Variants in GARRE1 observed in about 807,000 individuals in gnomAD.
GARRE1 encodes granule associated Rac and RHOG effector 1, also known as granule associated Rac and RHOG effector protein 1.
GARRE1 carries 49 observed loss-of-function variants against 103.2 expected under a neutral mutation model. The observed-to-expected ratio is 0.47, with a 90% CI of 0.38 to 0.60. The LOEUF (loss-of-function observed/expected upper bound fraction) is 0.60, where lower values mean the gene tolerates loss of function less well. GARRE1 is among the 20% of genes least tolerant of loss of function. The probability of loss-of-function intolerance (pLI) is 0.00; values close to 1 mark genes in which losing one functional copy is unlikely to be tolerated. For missense variants in GARRE1, 1,199 were observed against 1,370.5 expected (o/e 0.87, Z 1.98); for synonymous variants, 505 against 532.8 (o/e 0.95, Z 0.72).
chr19:34,332,214 TA>T (rs2074141140), intron 7 of GARRE1, among the ~76,000 whole-genome samples: 1 of 152,088 alleles, frequency 6.6e-6, no homozygotes, highest in South Asian at 2.1e-4. Flanking sequence ...TTGTTCACAG[TA>T]ATGAGTCACA....
intron 6 of GARRE1, among the ~76,000 whole-genome samples, chr19:34,329,052 A>T (rs958922456): frequency 6.6e-6 from 1 of 152,240 alleles, no homozygotes; most frequent in East Asian, 1.9e-4. Context: ...TGCTGCAGTG[A>T]TAACGATTAT....
At chr19:34,312,592 A>C (rs2074042125) in intron 2 of GARRE1, among the ~76,000 whole-genome samples, 1 of 152,170 alleles carries the variant, frequency 6.6e-6, no homozygotes, top group Admixed American at 6.5e-5. Flanking sequence ...AATGTCTTTA[A>C]GGCTCATTCA....
At chr19:34,288,925 A>G (rs1220428803) in intron 1 of GARRE1, among the ~76,000 whole-genome samples, 2 of 151,952 alleles carry the variant, frequency 1.3e-5, no homozygotes, top group East Asian at 3.9e-4. Flanking sequence ...TGAGGCCAGG[A>G]GTTCGAGACC....
intron 1 of GARRE1, among the ~76,000 whole-genome samples, chr19:34,270,877 G>A (rs1029211058): frequency 3.4e-4 from 51 of 152,044 alleles, no homozygotes; most frequent in African/African-American, 1.2e-3. Flanking sequence ...TTCTTTGTAG[G>A]GGCTGTCTTG....
intron 10 of GARRE1, among the ~76,000 whole-genome samples, chr19:34,344,323 G>A (rs2074200241): frequency 6.6e-6 from 1 of 152,194 alleles, no homozygotes; most frequent in African/African-American, 2.4e-5. Flanking sequence ...GGGCGCTGTG[G>A]CTCACGCCTG....
Position 34,300,465 on chromosome 19 carries a change from C to G in GARRE1, c.-9C>G. On this transcript the variant is annotated 5_prime_UTR_variant, in exon 2 of 14. Transcript: ENST00000299505. ...CACTTACGGTTGCTGGGACAATTCCCCCTCCCGCATGTATTGCTGCAGTGC... is the reference window on the plus strand; with the variant it reads ...CACTTACGGTTGCTGGGACAATTCCGCCTCCCGCATGTATTGCTGCAGTGC... The G allele has an allele frequency of 6.5e-7, 1 of 1,537,348 alleles. No individual in the cohort carries two copies.
chr19:34,336,469 A>ATTTT (rs11343595), intron 8 of GARRE1, among the ~76,000 whole-genome samples: 4 of 134,114 alleles, frequency 3.0e-5, no homozygotes, highest in Non-Finnish European at 1.6e-5. Context: ...GTGTTCCTGA[A>ATTTT]TTTTTTTTTT....
chr19:34,333,302 A>C lies in GARRE1; in HGVS notation c.1264-402A>C, dbSNP rs566416009. Among the ~76,000 whole-genome samples, 34 of 152,302 alleles carry C rather than the reference A, an allele frequency of 2.2e-4. No individual in the cohort carries two copies. The East Asian group carries it at 6.4e-3, about 29-fold the overall frequency. On this transcript the variant is annotated intron_variant, in intron 7 of 13. Coordinates refer to ENST00000299505, the MANE Select transcript of GARRE1 (RefSeq NM_014686.5). Reference sequence around the variant, plus strand: ...AGTGATCACTTGCCTAAATCTCCCAAAGTGCTGGGATTACAGGCGTGAGCC... The same window carrying C: ...AGTGATCACTTGCCTAAATCTCCCACAGTGCTGGGATTACAGGCGTGAGCC...
chr19:34,298,858 A>G (rs1568534590), intron 1 of GARRE1, among the ~76,000 whole-genome samples: 1 of 152,202 alleles, frequency 6.6e-6, no homozygotes, highest in African/African-American at 2.4e-5. Context: ...CCGCTGTTGT[A>G]GGTATCAGAA....
At chr19:34,284,064 T>C (rs1250659029) in intron 1 of GARRE1, among the ~76,000 whole-genome samples, 2 of 150,390 alleles carry the variant, frequency 1.3e-5, no homozygotes, top group Non-Finnish European at 3.0e-5. Flanking sequence ...TCTCCTGACC[T>C]CGTGATCCGC....
intron 1 of GARRE1, among the ~76,000 whole-genome samples, chr19:34,259,224 C>G (rs556897446): frequency 2.6e-5 from 4 of 152,280 alleles, no homozygotes; most frequent in African/African-American, 9.6e-5. Context: ...GTGTCCTGTC[C>G]TTCCTGACTC....
chr19:34,352,285 C>T lies in GARRE1; in HGVS notation c.2905-362C>T, dbSNP rs574919312. 3.3e-5 allele frequency among the ~76,000 whole-genome samples: 5 copies of T among 151,594 alleles called. No individual in the cohort carries two copies. In the East Asian group the frequency reaches 5.8e-4, roughly 18 times the overall value. ...GGCATGGTGGCATGCGCTTGTAATC[C>T]GAGCTACTCAGAAGGCTGAGACAGG... On this transcript the variant is annotated intron_variant, in intron 13 of 13. Coordinates refer to ENST00000299505, the MANE Select transcript of GARRE1 (RefSeq NM_014686.5).
chr19:34,304,578 A>G (rs552059843), intron 2 of GARRE1, among the ~76,000 whole-genome samples: 15 of 151,310 alleles, frequency 9.9e-5, no homozygotes, highest in Non-Finnish European at 1.8e-4. Context: ...GGGTTTCACC[A>G]TGTTGACTAG....
rs2145240802 is a variant in GARRE1 at position 34,300,298 on chromosome 19, A to AATT, written c.-175_-174insTTA. 1 of 569,540 alleles carries AATT rather than the reference A, an allele frequency of 1.8e-6. No individual in the cohort carries two copies. The highest frequency in any genetic ancestry group is 1.9e-5 in the African/African-American group (1 of 54,028). The allele number at this position is 569,540 out of a possible 1,614,324, so 35.3% of individuals were successfully genotyped here. A position where few individuals can be genotyped will look rare whatever the true frequency, so the allele number is the denominator to read the frequency against. On this transcript the variant is annotated 5_prime_UTR_variant, in exon 2 of 14. Coordinates refer to ENST00000299505, the MANE Select transcript of GARRE1 (RefSeq NM_014686.5). ...TCTACACTGAAAATATTAATTATATAAACCTGTTGTCTCTCACCTCTACAT... is the reference window on the plus strand; with the variant it reads ...TCTACACTGAAAATATTAATTATATAATTAACCTGTTGTCTCTCACCTCTACAT...
intron 2 of GARRE1, among the ~76,000 whole-genome samples, chr19:34,303,673 T>C (rs997881483): frequency 6.6e-6 from 1 of 152,234 alleles, no homozygotes; most frequent in African/African-American, 2.4e-5. Flanking sequence ...TGGAGTGCAA[T>C]GGCGTGATCT....
chr19:34,346,682 T>C (rs1291548587), intron 10 of GARRE1, among the ~76,000 whole-genome samples: 2 of 152,204 alleles, frequency 1.3e-5, no homozygotes, highest in Non-Finnish European at 2.9e-5. Context: ...AATAGCGCGA[T>C]CTTGGCTCCC....
intron 1 of GARRE1, among the ~76,000 whole-genome samples, chr19:34,296,763 C>G (rs1460558683): frequency 1.3e-5 from 2 of 152,060 alleles, no homozygotes; most frequent in African/African-American, 2.4e-5. Flanking sequence ...AGCCGCAGCT[C>G]CCGAAGCACC....
At chr19:34,278,772 A>G (rs146372812) in intron 1 of GARRE1, among the ~76,000 whole-genome samples, 49 of 152,186 alleles carry the variant, frequency 3.2e-4, no homozygotes, top group Middle Eastern at 3.4e-3. Flanking sequence ...CCTGGGTTCA[A>G]GTGATCCTCA....
intron 1 of GARRE1, among the ~76,000 whole-genome samples, chr19:34,290,874 CTTTTTTTTTTTTTTT>C (rs71165641): frequency 1.3e-4 from 8 of 63,214 alleles, no homozygotes; most frequent in African/African-American, 3.9e-4. Flanking sequence ...AAGCATATTG[CTTTTTTTTTTTTTTT>C]TTTTTTTTTT....
Sources: allele counts gnomAD v4.1 joint callset (sites outside exome capture counted in the v4.1 genomes callset), GRCh38; gene constraint gnomAD v4.1.1; transcripts MANE v1.5; gene names NCBI Gene and HGNC (gene_info 2026-07-23, HGNC 2026-07-21).